NLGN2: variants seen among roughly 807,000 people sequenced by gnomAD.
NLGN2 encodes the protein neuroligin-2.
In NLGN2, 11 loss-of-function variants were observed where a neutral mutation model predicts 48.6. The observed-to-expected ratio is 0.23, with a 90% CI of 0.14 to 0.37. NLGN2 has a LOEUF of 0.37. NLGN2 is among the 10% of genes least tolerant of loss of function. The pLI, the probability that NLGN2 is intolerant of heterozygous loss-of-function variation, is 1.00. For synonymous variants in NLGN2, 548 were observed against 550.0 expected, an observed-to-expected ratio of 1.00 and a Z score of 0.05; for missense variants, 801 against 1,225.2, an observed-to-expected ratio of 0.65 and a Z score of 5.17.
In NLGN2 at chr17:7,408,001, AC is replaced by A; in HGVS notation, c.-249del. On this transcript the variant is annotated 5_prime_UTR_variant, in exon 1 of 7. Coordinates refer to ENST00000302926, the MANE Select transcript of NLGN2 (RefSeq NM_020795.4). The surrounding 1 kb of genome is among the most constrained non-coding windows in gnomAD (Gnocchi z 7.5). The stretch of plus-strand genomic sequence containing the variant: ...CCTGCCTCCCTGCCCCTCTCGCTCC[AC>A]CCCCCGCAGGTCGGGCCTGCCTTCA... 1 of 331,466 alleles carries A rather than the reference AC, an allele frequency of 3.0e-6. No homozygotes were observed. The highest frequency in any genetic ancestry group is 5.4e-6 in the Non-Finnish European group (1 of 185,670). 20.5% of individuals were successfully genotyped at this position (331,466 alleles called of 1,614,324 possible).
chr17:7,409,062 C>T (rs1056424553), intron 1 of NLGN2, among the ~76,000 whole-genome samples: 1 of 152,128 alleles, frequency 6.6e-6, no homozygotes, highest in African/African-American at 2.4e-5. Context: ...GGTGATCCAT[C>T]CTCTGCTCAG....
chr17:7,414,925 A>G, intron 4 of NLGN2, 31 bp from the exon 5 acceptor site: 1 of 1,613,158 alleles, frequency 6.2e-7, no homozygotes, highest in Non-Finnish European at 8.5e-7. Flanking sequence ...CGGTACTCAC[A>G]GCCTGGCCTG....
intron 2 of NLGN2, 35 bp from the exon 3 acceptor site, chr17:7,414,309 C>A: frequency 2.0e-6 from 3 of 1,474,290 alleles, no homozygotes; most frequent in Non-Finnish European, 1.8e-6. Context: ...TTGTCCCTGA[C>A]CCCCTGGCCC....
rs2150820318 is a variant in NLGN2, at chr17:7,419,058, CT to C, written c.*1261del. ...CACCCTGCCTCAGTTCTCCGTTCCC[CT>C]TCATCTCCGTCCCCCTCTTTGAAGC... On this transcript the variant is annotated 3_prime_UTR_variant, in exon 7 of 7. Coordinates refer to ENST00000302926, the MANE Select transcript of NLGN2 (RefSeq NM_020795.4). 1 of 152,576 alleles carries C rather than the reference CT, an allele frequency of 6.6e-6. No homozygotes were observed. Among genetic ancestry groups the C allele is most frequent in the Admixed American group, 6.5e-5 (1 of 15,296 alleles). 9.5% of individuals were successfully genotyped at this position (152,576 alleles called of 1,614,324 possible).
At chr17:7,405,645 GT>G (rs1906605290), upstream of NLGN2, 1 of 153,028 alleles carries the variant, frequency 6.5e-6, no homozygotes. This position sits in a 1 kb window ranked among gnomAD's most constrained non-coding sequence, Gnocchi z 6.8. Flanking sequence ...AGGGGGCTGC[GT>G]GGCGGTCCAC....
chr17:7,417,943 C>A lies in NLGN2; in HGVS notation c.*144C>A. The A allele has an allele frequency of 1.5e-6, 1 of 667,376 alleles. No individual in the cohort carries two copies. The highest frequency in any genetic ancestry group is 2.1e-6 in the Non-Finnish European group (1 of 469,328). 41.3% of individuals were successfully genotyped at this position (667,376 alleles called of 1,614,324 possible). A position where few individuals can be genotyped will look rare whatever the true frequency, so the allele number is the denominator to read the frequency against. On this transcript the variant is annotated 3_prime_UTR_variant, in exon 7 of 7. Coordinates refer to ENST00000302926, the MANE Select transcript of NLGN2 (RefSeq NM_020795.4). ...GCTAAGGTGGACATGGGATTCCTCC[C>A]TGCGATGCGTGTCTTTCCCACGCAG...
At position 7,408,525 on chromosome 17, in the gene NLGN2, C is replaced by T. The variant is rs957493657; in HGVS notation, c.270C>T (p.Pro90=). 17 of 1,533,266 alleles carry T rather than the reference C, an allele frequency of 1.1e-5. No homozygotes were observed. Among genetic ancestry groups the T allele is most frequent in the Non-Finnish European group, 6.1e-6 (7 of 1,143,952 alleles). The allele number at this position is 1,533,266 out of a possible 1,614,324, so 95.0% of individuals were successfully genotyped here. A position where few individuals can be genotyped will look rare whatever the true frequency, so the allele number is the denominator to read the frequency against. Residue 90 remains proline, a synonymous_variant, in exon 1 of 7, where the codon CCC becomes CCT. Transcript: ENST00000302926. The surrounding 1 kb of genome is among the most constrained non-coding windows in gnomAD (Gnocchi z 7.5). ...GCCGCTTCCAGCCGCCTGAGGCGCC[C>T]GCCTCGTGGCCCGGCGTGCGCAACG... is the stretch of plus-strand genomic sequence containing the variant. ...GARRFQPPEA[P]ASWPGVRNAT...
rs760316882 is a variant in NLGN2, at chr17:7,408,358, A to G, written c.103A>G (p.Ser35Gly). Reference protein sequence around the residue: ...APGGPGLGLGSLGEERFPVVN... With the variant: ...APGGPGLGLGGLGEERFPVVN... ...GGGCGGCCCCGGCCTGGGCCTCGGC[A>G]GCCTCGGCGAGGAGCGCTTCCCGGT... Residue 35 changes from serine (S) to glycine (G), a missense_variant, in exon 1 of 7, where the codon AGC becomes GGC. By Grantham distance (56) the Ser-to-Gly change is moderately conservative (BLOSUM62 0). Around this residue, in one of 5 missense-constraint regions of NLGN2, gnomAD observed 164 missense variants for 186.2 expected, o/e 0.88. Transcript: ENST00000302926. This position sits in a 1 kb window ranked among gnomAD's most constrained non-coding sequence, Gnocchi z 7.5. 6 of 1,485,536 alleles carry G rather than the reference A, an allele frequency of 4.0e-6. No individual in the cohort carries two copies. The highest frequency in any genetic ancestry group is 2.6e-5 in the South Asian group (2 of 78,226). 92.0% of individuals were successfully genotyped at this position (1,485,536 alleles called of 1,614,324 possible).
At chr17:7,414,289 GA>G (rs2150815833) in intron 2 of NLGN2, 54 bp from the exon 3 acceptor site, 1 of 1,523,892 alleles carries the variant, frequency 6.6e-7, no homozygotes, top group African/African-American at 1.4e-5. Context: ...CTTCCGGTCT[GA>G]CTGTGTCCTT....
At chr17:7,405,927 C>G (rs1906616916), upstream of NLGN2, among the ~76,000 whole-genome samples, 1 of 152,120 alleles carries the variant, frequency 6.6e-6, no homozygotes, top group Admixed American at 6.5e-5. The surrounding 1 kb of genome is among the most constrained non-coding windows in gnomAD (Gnocchi z 6.8). Context: ...CGTCCCTCAA[C>G]TCTCCCCGGC....
Position 7,415,797 on chromosome 17 carries a change from G to A in NLGN2, c.1324G>A (p.Asp442Asn). 6.2e-7 allele frequency: 1 copy of A among 1,614,136 alleles called. No individual in the cohort carries two copies. Among genetic ancestry groups the A allele is most frequent in the Non-Finnish European group, 8.5e-7 (1 of 1,180,046 alleles). ...KFMYTDWADR[D>N]NGEMRRKTLL... ...TATGTACACAGACTGGGCCGACCGG[G>A]ACAATGGCGAAATGCGCCGCAAAAC... The change falls in exon 6 of 7, where the codon GAC (aspartate) becomes AAC (asparagine). Residue 442 changes from aspartate (D) to asparagine (N), a missense_variant. Coordinates refer to ENST00000302926, the MANE Select transcript of NLGN2 (RefSeq NM_020795.4).
chr17:7,410,174 C>T (rs1906819760), intron 1 of NLGN2, among the ~76,000 whole-genome samples: 1 of 149,644 alleles, frequency 6.7e-6, no homozygotes, highest in African/African-American at 2.4e-5. Context: ...CCCCTGCACT[C>T]AGAATCCCCC....
At chr17:7,405,193 T>TCCCGGGC (rs954527844), upstream of NLGN2, 6 of 151,010 alleles carry the variant, frequency 4.0e-5, no homozygotes, top group African/African-American at 1.5e-4. The surrounding 1 kb of genome is among the most constrained non-coding windows in gnomAD (Gnocchi z 6.8). Context: ...GATCCTGCGC[T>TCCCGGGC]CCCGGGCCCC....
Position 7,407,848 on chromosome 17 carries a change from A to G in NLGN2, c.-408A>G, listed in dbSNP as rs889657741. 1.9e-4 allele frequency among the ~76,000 whole-genome samples: 29 copies of G among 152,002 alleles called. No homozygotes were observed. The highest frequency in any genetic ancestry group is 7.0e-4 in the African/African-American group (29 of 41,382). ...GGCCTGTGGGTGGGAGAAGGGGGCA[A>G]CTTGGTCTGAATTCCAGGTCACTAA... is the stretch of plus-strand genomic sequence containing the variant. On this transcript the variant is annotated 5_prime_UTR_variant, in exon 1 of 7. Coordinates refer to ENST00000302926, the MANE Select transcript of NLGN2 (RefSeq NM_020795.4).
In NLGN2 at chr17:7,417,547, C is replaced by CGTCGGG. The variant is rs1567663109; in HGVS notation, c.2258_2263dup (p.Val753_Gly754dup). On this transcript the variant is annotated inframe_insertion, in exon 7 of 7. Coordinates refer to ENST00000302926, the MANE Select transcript of NLGN2 (RefSeq NM_020795.4). ...CACTGCAGCTGAAGCGGGGTGGTGG[C>CGTCGGG]GTCGGGGCGGACCCTGCCGAGGCTC... 2.0e-6 allele frequency: 3 copies of CGTCGGG among 1,468,308 alleles called. No individual in the cohort carries two copies. The South Asian group carries it at 4.2e-5, about 21-fold the overall frequency. 91.0% of individuals were successfully genotyped at this position (1,468,308 alleles called of 1,614,324 possible).
At position 7,414,512 on chromosome 17, in the gene NLGN2, C is replaced by T; in HGVS notation, c.658+19C>T. On this transcript the variant is annotated intron_variant, in intron 3 of 6. Transcript: ENST00000302926. ...GTGCTCGGTGAGGGTGGGCAGCCAA[C>T]TCTGGGGCTCGGGGGAGTCTGGGAG... 6.2e-7 allele frequency: 1 copy of T among 1,611,922 alleles called. No individual in the cohort carries two copies. The highest frequency in any genetic ancestry group is 8.5e-7 in the Non-Finnish European group (1 of 1,178,254).
At chr17:7,416,837 A>G (rs1037940716) in intron 6 of NLGN2, 89 bp from the exon 7 acceptor site, 5 of 1,486,956 alleles carry the variant, frequency 3.4e-6, no homozygotes, top group Non-Finnish European at 4.6e-6. Flanking sequence ...GTCTCTCTGC[A>G]TCTCTGTCTG....
intron 1 of NLGN2, among the ~76,000 whole-genome samples, chr17:7,409,553 A>G (rs1017334466): frequency 2.0e-5 from 3 of 149,708 alleles, no homozygotes; most frequent in African/African-American, 4.9e-5. Flanking sequence ...CCTCACAAAC[A>G]CCCCCCTGCA....
intron 5 of NLGN2, 55 bp from the exon 6 acceptor site, chr17:7,415,456 C>T: frequency 1.2e-5 from 18 of 1,519,686 alleles, no homozygotes; most frequent in Non-Finnish European, 1.6e-5. Context: ...TAGCAGGCCA[C>T]AGGCCAAGAG....
Sources: allele counts gnomAD v4.1 joint callset (sites outside exome capture counted in the v4.1 genomes callset), GRCh38; gene constraint gnomAD v4.1.1; regional missense constraint gnomAD v4.1.1; non-coding constraint Gnocchi (gnomAD v3.1); transcripts MANE v1.5; gene names NCBI Gene and HGNC (gene_info 2026-07-23, HGNC 2026-07-21).